Variants in PCDHA7 observed in about 807,000 individuals in gnomAD.
The protein encoded by PCDHA7 is protocadherin alpha 7, also known as protocadherin alpha-7.
A neutral mutation model predicts 57.2 loss-of-function variants in PCDHA7; 37 were observed. The ratio of observed to expected loss-of-function variants is 0.65; its 90% confidence interval spans 0.50 to 0.85. The LOEUF (loss-of-function observed/expected upper bound fraction) is 0.85. Ranked by LOEUF, PCDHA7 falls within the 40% of genes least tolerant of loss-of-function variation. PCDHA7 has a pLI of 0.00. For missense variants in PCDHA7, 1,188 were observed against 1,241.8 expected (o/e 0.96, Z 0.65); for synonymous variants, 553 against 558.8 (o/e 0.99, Z 0.15).
intron 3 of PCDHA7, among the ~76,000 whole-genome samples, chr5:140,998,365 A>G (rs1434602564): frequency 6.6e-6 from 1 of 152,142 alleles, no homozygotes; most frequent in African/African-American, 2.4e-5. Context: ...ACCACTGCAC[A>G]CACCGTCTCT....
chr5:140,863,007 A>G (rs1554157449), intron 1 of PCDHA7: 1 of 551,416 alleles, frequency 1.8e-6, no homozygotes, highest in Non-Finnish European at 3.6e-6. Context: ...GACTCCAGCT[A>G]TGACGCCTGG....
chr5:140,851,135 A>G (rs782166459), intron 1 of PCDHA7: 3 of 1,314,088 alleles, frequency 2.3e-6, no homozygotes, highest in Admixed American at 2.9e-5. Flanking sequence ...ATTTGTGATT[A>G]AAGTGACATT....
At chr5:140,853,460 T>C in intron 1 of PCDHA7, 2 of 974,384 alleles carry the variant, frequency 2.1e-6, no homozygotes, top group Non-Finnish European at 2.5e-6. Flanking sequence ...TCTCCTTATA[T>C]GCATCTGTAG....
At chr5:140,850,446 G>C in intron 1 of PCDHA7, 1 of 1,598,030 alleles carries the variant, frequency 6.3e-7, no homozygotes, top group South Asian at 1.1e-5. Context: ...ACTGGTGCTG[G>C]TGAAAGACCA....
At chr5:140,886,623 C>T (rs1273600111) in intron 1 of PCDHA7, among the ~76,000 whole-genome samples, 39 of 151,848 alleles carry the variant, frequency 2.6e-4, no homozygotes, top group Admixed American at 2.4e-3. Flanking sequence ...ATCAGGAGTC[C>T]GAGACCAGCC....
At chr5:140,871,203 C>T in intron 1 of PCDHA7, 1 of 1,613,744 alleles carries the variant, frequency 6.2e-7, no homozygotes, top group East Asian at 2.2e-5. Context: ...TGTACCTGAT[C>T]ATCGCCATCT....
chr5:140,962,595 A>G (rs1307695991), intron 1 of PCDHA7, among the ~76,000 whole-genome samples: 1 of 152,192 alleles, frequency 6.6e-6, no homozygotes, highest in Non-Finnish European at 1.5e-5. Flanking sequence ...TTTGACTGAT[A>G]TATTTCTTCT....
rs2150220578 is a variant in PCDHA7 at position 140,834,540 on chromosome 5, G to A, written c.157G>A (p.Gly53Arg). ...NFVGRIAQDL[G>R]LELAELVPRL... ...CGTGGGCCGCATCGCGCAGGACCTG[G>A]GGCTGGAGCTGGCGGAGCTGGTGCC... The change falls in exon 1 of 4, where the codon GGG becomes AGG. Residue 53 changes from glycine (G) to arginine (R), a missense_variant. Physicochemically the swap from Gly to Arg is moderately radical, Grantham distance 125. Transcript: ENST00000525929. The A allele has an allele frequency of 7.4e-6, 12 of 1,614,082 alleles. No individual in the cohort carries two copies. The Admixed American group carries it at 1.0e-4, about 13-fold the overall frequency.
chr5:141,003,291 G>C (rs1402781511), intron 3 of PCDHA7, among the ~76,000 whole-genome samples: 1 of 152,158 alleles, frequency 6.6e-6, no homozygotes, highest in Non-Finnish European at 1.5e-5. Flanking sequence ...TGGATTATAG[G>C]ATTACATGAA....
At chr5:140,969,588 T>A in intron 1 of PCDHA7, 1 of 849,870 alleles carries the variant, frequency 1.2e-6, no homozygotes, top group Non-Finnish European at 1.8e-6. Context: ...GGATTAGTCT[T>A]AATATTTAAT....
At chr5:140,858,165 C>G in intron 1 of PCDHA7, 1 of 1,597,786 alleles carries the variant, frequency 6.3e-7, no homozygotes, top group Non-Finnish European at 8.6e-7. Flanking sequence ...TGCGCGGTGT[C>G]CAGCTTGCTG....
Position 140,863,052 on chromosome 5 carries a change from C to A in PCDHA7, c.2355+26314C>A, listed in dbSNP as rs782611491. On this transcript the variant is annotated intron_variant, in intron 1 of 3. Transcript: ENST00000525929. ...CAGCTGCATCTGTCAGCTGGCAGCA[C>A]CCGTTCCACGTGGGGCTCTGCACGG... The A allele has an allele frequency of 3.2e-5, 18 of 562,664 alleles. No individual in the cohort carries two copies. The East Asian group carries it at 8.4e-4, about 26-fold the overall frequency. 34.9% of individuals were successfully genotyped at this position (562,664 alleles called of 1,614,324 possible).
Position 140,868,506 on chromosome 5 carries a change from A to T in PCDHA7, c.2355+31768A>T, listed in dbSNP as rs1250178704. 3 of 152,422 alleles carry T rather than the reference A, an allele frequency of 2.0e-5. No individual in the cohort carries two copies. The East Asian group carries it at 5.8e-4, about 29-fold the overall frequency. 9.4% of individuals were successfully genotyped at this position (152,422 alleles called of 1,614,324 possible). On this transcript the variant is annotated intron_variant, in intron 1 of 3. Transcript: ENST00000525929. ...TTTTCTTTGAGTTCCCTAGCAGCCA[A>T]AGTAACAAGGGAGACTGAAAGTAAA... is the stretch of plus-strand genomic sequence containing the variant.
At chr5:140,887,757 C>T (rs1303665192) in intron 1 of PCDHA7, among the ~76,000 whole-genome samples, 16 of 152,166 alleles carry the variant, frequency 1.1e-4, no homozygotes, top group Admixed American at 9.8e-4. Flanking sequence ...TCCAGTAACA[C>T]ATATGTTACA....
intron 1 of PCDHA7, among the ~76,000 whole-genome samples, chr5:140,976,377 C>T (rs1472568038): frequency 2.0e-5 from 3 of 151,896 alleles, no homozygotes; most frequent in Admixed American, 6.6e-5. Flanking sequence ...ATGGTGAAAC[C>T]CCATCTCTAC....
chr5:140,902,488 G>T (rs1357036471), intron 1 of PCDHA7, among the ~76,000 whole-genome samples: 2 of 152,096 alleles, frequency 1.3e-5, no homozygotes, highest in African/African-American at 4.8e-5. Context: ...TGCTCAGTAT[G>T]ATACTAGCTG....
rs2150319932 is a variant in PCDHA7 at position 140,841,641 on chromosome 5, A to T, written c.2355+4903A>T. 4.3e-6 allele frequency: 7 copies of T among 1,613,950 alleles called. No individual in the cohort carries two copies. The highest frequency in any genetic ancestry group is 5.1e-6 in the Non-Finnish European group (6 of 1,179,994). ...AGCGCGGAGTGCAGCATCCACCTGG[A>T]GGTGATCGTGGACAGGCCGCTGCAG... On this transcript the variant is annotated intron_variant, in intron 1 of 3. Coordinates refer to ENST00000525929, the MANE Select transcript of PCDHA7 (RefSeq NM_018910.3).
At chr5:140,937,770 G>C (rs1353635012) in intron 1 of PCDHA7, among the ~76,000 whole-genome samples, 3 of 151,876 alleles carry the variant, frequency 2.0e-5, no homozygotes, top group Non-Finnish European at 4.4e-5. Flanking sequence ...AAATTAGTCG[G>C]GCGTGGTGGC....
intron 1 of PCDHA7, chr5:140,871,141 C>G: frequency 6.2e-7 from 1 of 1,613,438 alleles, no homozygotes; most frequent in Non-Finnish European, 8.5e-7. Context: ...GGCCTCTTCC[C>G]GGACTTTGGC....
Sources: gnomAD v4.1 joint callset for allele counts (sites outside exome capture counted in the v4.1 genomes callset) on GRCh38, gnomAD v4.1.1 for gene constraint, MANE v1.5 for transcripts, NCBI Gene and HGNC (gene_info 2026-07-23, HGNC 2026-07-21) for gene names.